BCL11A: variants seen among roughly 807,000 people sequenced by gnomAD.
BCL11A encodes B cell CLL/lymphoma 11A.
BCL11A carries 2 observed loss-of-function variants against 55.9 expected under a neutral mutation model. That is an observed-to-expected ratio of 0.04 (90% confidence interval 0.01 to 0.11). The LOEUF (loss-of-function observed/expected upper bound fraction) is 0.11, where lower values mean the gene tolerates loss of function less well. Ranked by LOEUF, BCL11A falls within the 10% of genes least tolerant of loss-of-function variation. The pLI is 1.00. For missense variants in BCL11A, 817 were observed against 1,137.1 expected, an observed-to-expected ratio of 0.72 and a Z score of 4.05; for synonymous variants, 465 against 473.4, an observed-to-expected ratio of 0.98 and a Z score of 0.23.
At chr2:60,502,342 C>A (rs1679337799) in intron 2 of BCL11A, among the ~76,000 whole-genome samples, 1 of 152,218 alleles carries the variant, frequency 6.6e-6, no homozygotes, top group South Asian at 2.1e-4. Flanking sequence ...CCTGGCTCTC[C>A]TCTACATTCT....
chr2:60,526,789 T>C (rs1414777188), intron 2 of BCL11A: 1 of 152,142 alleles, frequency 6.6e-6, no homozygotes, highest in Non-Finnish European at 1.5e-5. Context: ...ATGAAACAAA[T>C]AAAGGGCTGA....
intron 3 of BCL11A, 143 bp downstream of exon 3, chr2:60,468,589 G>C: frequency 7.0e-6 from 4 of 569,196 alleles, no homozygotes; most frequent in Non-Finnish European, 1.2e-5. Context: ...GTGGGGAGCG[G>C]CTGCCAAGTG....
At chr2:60,536,277 T>A (rs1360284027) in intron 2 of BCL11A, 1 of 152,212 alleles carries the variant, frequency 6.6e-6, no homozygotes, top group Non-Finnish European at 1.5e-5. Flanking sequence ...GAGTTGATCT[T>A]ACCGGAAATG....
intron 2 of BCL11A, among the ~76,000 whole-genome samples, chr2:60,484,731 G>A (rs1212487566): frequency 4.6e-5 from 7 of 151,868 alleles, no homozygotes; most frequent in Admixed American, 2.0e-4. Flanking sequence ...TTAACCACTC[G>A]AGAAAAAATG....
At chr2:60,537,757 A>T (rs1669734780) in intron 2 of BCL11A, 2 of 152,246 alleles carry the variant, frequency 1.3e-5, no homozygotes, top group Non-Finnish European at 2.9e-5. Context: ...ATGCTTAGCA[A>T]AAAGCTTCCT....
chr2:60,507,778 G>A (rs1038831142), intron 2 of BCL11A, among the ~76,000 whole-genome samples: 5 of 152,132 alleles, frequency 3.3e-5, no homozygotes, highest in Non-Finnish European at 5.9e-5. Context: ...GGCGACGGGT[G>A]CGGGGAGAAG....
At position 60,461,101 on chromosome 2, in the gene BCL11A, C is replaced by T; in HGVS notation, c.1811G>A (p.Gly604Asp). ...CGACTCGCCCGGGGAGCAGCCGCGGCCATTAACAGTGCCATCGTCTATGCG... is the reference window on the plus strand; with the variant it reads ...CGACTCGCCCGGGGAGCAGCCGCGGTCATTAACAGTGCCATCGTCTATGCG... The part of the protein sequence containing the change: ...SDRIDDGTVN[G>D]RGCSPGESAS... Residue 604 changes from glycine to aspartate, a missense_variant, in exon 4 of 4, where the codon GGC becomes GAC. Coordinates refer to ENST00000642384, the MANE Select transcript of BCL11A (RefSeq NM_022893.4). The T allele has an allele frequency of 6.2e-7, 1 of 1,605,136 alleles. No individual in the cohort carries two copies. The highest frequency in any genetic ancestry group is 8.5e-7 in the Non-Finnish European group (1 of 1,175,654).
rs150125298 is a variant in BCL11A, at chr2:60,546,271, C to G, written c.85G>C (p.Asp29His). The G allele has an allele frequency of 4.5e-4, 725 of 1,614,136 alleles. 6 individuals are homozygous for G. In the Middle Eastern group the frequency reaches 7.1e-3, roughly 16 times the overall value. Reference protein sequence around the residue: ...PEPLEAILTDDEPDHGPLGAP... With the variant: ...PEPLEAILTDHEPDHGPLGAP... Reference sequence around the variant, plus strand: ...CCCAACGGGCCGTGGTCTGGTTCATCATCTGTAAGAATGGCTTCAAGAGGC... The same window carrying G: ...CCCAACGGGCCGTGGTCTGGTTCATGATCTGTAAGAATGGCTTCAAGAGGC... The change falls in exon 2 of 4, where the codon GAT (aspartate) becomes CAT (histidine). Residue 29 changes from aspartate (D) to histidine (H), a missense_variant. By Grantham distance (81) the Asp-to-His change is moderately conservative (BLOSUM62 -1). Coordinates refer to ENST00000642384, the MANE Select transcript of BCL11A (RefSeq NM_022893.4). The surrounding 1 kb of genome is among the most constrained non-coding windows in gnomAD (Gnocchi z 4.1).
intron 2 of BCL11A, among the ~76,000 whole-genome samples, chr2:60,477,607 A>AGAAT (rs1187322195): frequency 2.3e-5 from 3 of 129,142 alleles, no homozygotes; most frequent in African/African-American, 8.3e-5. Flanking sequence ...AAATAAATAA[A>AGAAT]GAAAGAAAGA....
In BCL11A at chr2:60,461,922, C is replaced by A; in HGVS notation, c.990G>T (p.Pro330=). ...RELAGNTSSP[P]LSPGRPSPMQ... Reference sequence around the variant, plus strand: ...TAGGGCTGGGCCGGCCTGGGGACAGCGGTGGGCTAGACGTGTTCCCTGCCA... The same window carrying A: ...TAGGGCTGGGCCGGCCTGGGGACAGAGGTGGGCTAGACGTGTTCCCTGCCA... Residue 330 remains proline, a synonymous_variant, in exon 4 of 4, where the codon CCG becomes CCT. Transcript: ENST00000642384. 1.2e-6 allele frequency: 2 copies of A among 1,614,108 alleles called. No individual in the cohort carries two copies. The highest frequency in any genetic ancestry group is 1.7e-6 in the Non-Finnish European group (2 of 1,180,000).
intron 2 of BCL11A, chr2:60,537,913 T>A (rs1295601196): frequency 1.3e-5 from 2 of 152,354 alleles, no homozygotes; most frequent in East Asian, 3.9e-4. Context: ...TGGATTCGCC[T>A]CTATCTAAAA....
At chr2:60,465,341 T>G (rs1301075759) in intron 3 of BCL11A, among the ~76,000 whole-genome samples, 4 of 152,220 alleles carry the variant, frequency 2.6e-5, no homozygotes, top group Non-Finnish European at 5.9e-5. Flanking sequence ...TATTCTTCAT[T>G]TACTCTGATG....
chr2:60,516,387 G>A (rs530538146), intron 2 of BCL11A, among the ~76,000 whole-genome samples: 2 of 152,318 alleles, frequency 1.3e-5, no homozygotes, highest in African/African-American at 4.8e-5. Context: ...CCAGATGTCA[G>A]TGCAAAGTTA....
chr2:60,519,487 G>A (rs905598127), intron 2 of BCL11A, among the ~76,000 whole-genome samples: 3 of 152,268 alleles, frequency 2.0e-5, no homozygotes, highest in Admixed American at 6.5e-5. Flanking sequence ...GTGGAACATC[G>A]TAGGAAAAAG....
intron 2 of BCL11A, chr2:60,535,367 TACAA>T (rs1558498857): frequency 6.6e-6 from 1 of 152,034 alleles, no homozygotes; most frequent in Non-Finnish European, 1.5e-5. Flanking sequence ...GGGGCTAAGA[TACAA>T]ACAGAGGCTG....
At chr2:60,521,073 AC>A (rs1668960062) in intron 2 of BCL11A, among the ~76,000 whole-genome samples, 1 of 75,292 alleles carries the variant, frequency 1.3e-5, no homozygotes, top group African/African-American at 4.1e-5. Context: ...GTCAGCACAC[AC>A]ACACACACAC....
Position 60,460,063 on chromosome 2 carries a change from T to C in BCL11A, c.*341A>G. On this transcript the variant is annotated 3_prime_UTR_variant, in exon 4 of 4. Transcript: ENST00000642384. Reference sequence around the variant, plus strand: ...TGCTGTCTAAGTTTAAAAAAAAACATACACAACATGTAAATTATTGCACAA... The same window carrying C: ...TGCTGTCTAAGTTTAAAAAAAAACACACACAACATGTAAATTATTGCACAA... 2 of 1,088,330 alleles carry C rather than the reference T, an allele frequency of 1.8e-6. No individual in the cohort carries two copies. The highest frequency in any genetic ancestry group is 2.2e-6 in the Non-Finnish European group (2 of 897,682). The allele number at this position is 1,088,330 out of a possible 1,614,324, so 67.4% of individuals were successfully genotyped here.
At position 60,461,372 on chromosome 2, in the gene BCL11A, C is replaced by T. The variant is rs1458377041; in HGVS notation, c.1540G>A (p.Gly514Ser). 3 of 1,606,290 alleles carry T rather than the reference C, an allele frequency of 1.9e-6. No individual in the cohort carries two copies. Among genetic ancestry groups the T allele is most frequent in the Admixed American group, 3.3e-5 (2 of 59,850 alleles). ...ELTESERVDY[G>S]FGLSLEAARH... ...GCCGCCTCCAGGCTCAGCCCGAAGC[C>T]GTAGTCCACCCTCTCGCTCTCCGTC... The change falls in exon 4 of 4, where the codon GGC (glycine) becomes AGC (serine). Residue 514 changes from glycine to serine, a missense_variant. This residue lies in a region of BCL11A where 379 missense variants were observed against 425.3 expected (regional missense o/e 0.89). Coordinates refer to ENST00000642384, the MANE Select transcript of BCL11A (RefSeq NM_022893.4).
rs1035169575 is a variant in BCL11A, at chr2:60,461,197, C to G, written c.1715G>C (p.Arg572Pro). The G allele has an allele frequency of 6.2e-7, 1 of 1,612,454 alleles. No homozygotes were observed. Among genetic ancestry groups the G allele is most frequent in the South Asian group, 1.1e-5 (1 of 91,068 alleles). ...GCCCTCGGCCTCGGCCAGGTGGCCG[C>G]GCTTATGCTTCTCGCCCAGGACCTG... ...FHQVLGEKHKRGHLAEAEGHR... is the reference protein window; with the variant it reads ...FHQVLGEKHKPGHLAEAEGHR... Residue 572 changes from arginine to proline, a missense_variant, in exon 4 of 4, where the codon CGC (arginine) becomes CCC (proline). Coordinates refer to ENST00000642384, the MANE Select transcript of BCL11A (RefSeq NM_022893.4).
Sources: allele counts gnomAD v4.1 joint callset (sites outside exome capture counted in the v4.1 genomes callset), GRCh38; gene constraint gnomAD v4.1.1; regional missense constraint gnomAD v4.1.1; non-coding constraint Gnocchi (gnomAD v3.1); transcripts MANE v1.5; gene names NCBI Gene and HGNC (gene_info 2026-07-23, HGNC 2026-07-21).